ADAM2: variants seen among roughly 807,000 people sequenced by gnomAD.
ADAM2 encodes the protein disintegrin and metalloproteinase domain-containing protein 2.
In ADAM2, 101 loss-of-function variants were observed where a neutral mutation model predicts 99.3. The observed-to-expected ratio is 1.02, with a 90% CI of 0.87 to 1.20. ADAM2 has a LOEUF of 1.20. Among genes scored for constraint, ADAM2 ranks in the 50% most tolerant of loss-of-function variants. The pLI is 0.00. For missense variants in ADAM2, 948 were observed against 878.7 expected (o/e 1.08, Z -1.00); for synonymous variants, 323 against 287.6 (o/e 1.12, Z -1.25).
At chr8:39,758,347 G>C (rs1043726956) in intron 15 of ADAM2, among the ~76,000 whole-genome samples, 1 of 152,012 alleles carries the variant, frequency 6.6e-6, no homozygotes, top group East Asian at 1.9e-4. Context: ...TGTTTATAAT[G>C]TGTGTATTTG....
At chr8:39,750,475 G>T (rs900906954) in intron 16 of ADAM2, among the ~76,000 whole-genome samples, 10 of 152,054 alleles carry the variant, frequency 6.6e-5, no homozygotes, top group African/African-American at 2.4e-4. Flanking sequence ...ATAGCAATTT[G>T]CTATATTTAC....
intron 11 of ADAM2, among the ~76,000 whole-genome samples, chr8:39,774,445 G>T (rs1450396311): frequency 6.6e-6 from 1 of 152,002 alleles, no homozygotes; most frequent in Non-Finnish European, 1.5e-5. Context: ...GAATATGTTA[G>T]TGTAGCAAAG....
chr8:39,811,904 C>T (rs541477297), intron 6 of ADAM2, among the ~76,000 whole-genome samples: 9 of 152,258 alleles, frequency 5.9e-5, no homozygotes, highest in African/African-American at 2.2e-4. Context: ...TCCTATTCAA[C>T]ATAGTGTTGG....
At position 39,821,624 on chromosome 8, in the gene ADAM2, T is replaced by C. The variant is rs769302207; in HGVS notation, c.306A>G (p.Pro102=). The C allele has an allele frequency of 3.1e-6, 5 of 1,608,796 alleles. No individual in the cohort carries two copies. In the African/African-American group the frequency reaches 6.7e-5, roughly 22 times the overall value. ...CHYQGYIEGY[P]KSVVMVSTCT... ...ATGTGCTAACCATCACCACAGATTT[T>C]GGATAACCTTCAATATACCCTTGGT... The change falls in exon 5 of 21, where the codon CCA becomes CCG. Residue 102 remains proline (P), a synonymous_variant. Transcript: ENST00000265708.
chr8:39,816,433 G>A (rs188234523), intron 6 of ADAM2, among the ~76,000 whole-genome samples: 15 of 152,252 alleles, frequency 9.9e-5, no homozygotes, highest in East Asian at 1.9e-4. Context: ...CAGAGTCTGC[G>A]TATGACCTAG....
intron 2 of ADAM2, among the ~76,000 whole-genome samples, chr8:39,836,884 C>A (rs1483777381): frequency 6.6e-6 from 1 of 152,090 alleles, no homozygotes; most frequent in Non-Finnish European, 1.5e-5. Flanking sequence ...AATGATTATT[C>A]AAAGACATCC....
At chr8:39,753,205 A>C (rs574811642) in intron 16 of ADAM2, among the ~76,000 whole-genome samples, 3 of 152,298 alleles carry the variant, frequency 2.0e-5, no homozygotes, top group Non-Finnish European at 4.4e-5. Context: ...AGATGGTCTC[A>C]GATGGAAATG....
In ADAM2 at chr8:39,755,854, A is replaced by T; in HGVS notation, c.1671T>A (p.Ile557=). 1.3e-5 allele frequency: 20 copies of T among 1,598,566 alleles called. No individual in the cohort carries two copies. Among genetic ancestry groups the T allele is most frequent in the Non-Finnish European group, 1.6e-5 (19 of 1,166,992 alleles). The stretch of plus-strand genomic sequence containing the variant: ...TGGCATAAATAATAGTGGCTCTTGG[A>T]ATTTGTAATAAAAATTTACCTACAT... ...CKYVGKFLLQ[I]PRATIIYANI... Residue 557 remains isoleucine (I), a synonymous_variant, in exon 16 of 21, where the codon ATT becomes ATA. Transcript: ENST00000265708.
chr8:39,792,768 G>T (rs141257575), intron 7 of ADAM2, among the ~76,000 whole-genome samples: 1 of 152,054 alleles, frequency 6.6e-6, no homozygotes, highest in Admixed American at 6.6e-5. Flanking sequence ...GAATGAACCA[G>T]CCTCTGACTA....
chr8:39,769,138 C>T (rs542508381), intron 12 of ADAM2, among the ~76,000 whole-genome samples: 1 of 152,176 alleles, frequency 6.6e-6, no homozygotes, highest in South Asian at 2.1e-4. Context: ...GTCAGCTATA[C>T]CTCAAGAAAG....
At position 39,821,640 on chromosome 8, in the gene ADAM2, T is replaced by C. The variant is rs759851853; in HGVS notation, c.290A>G (p.Tyr97Cys). The C allele has an allele frequency of 6.2e-7, 1 of 1,606,912 alleles. No individual in the cohort carries two copies. The highest frequency in any genetic ancestry group is 8.5e-7 in the Non-Finnish European group (1 of 1,174,088). ...DFQNFCHYQG[Y>C]IEGYPKSVVM... ...CACAGATTTTGGATAACCTTCAATATACCCTTGGTAGTGGCAGAAATTCTG... is the reference window on the plus strand; with the variant it reads ...CACAGATTTTGGATAACCTTCAATACACCCTTGGTAGTGGCAGAAATTCTG... Residue 97 changes from tyrosine to cysteine, a missense_variant, in exon 5 of 21, where the codon TAT becomes TGT. By Grantham distance (194) the Tyr-to-Cys change is radical. Transcript: ENST00000265708.
chr8:39,834,133 T>C, intron 2 of ADAM2, 134 bp from the exon 3 acceptor site: 2 of 536,124 alleles, frequency 3.7e-6, no homozygotes, highest in Non-Finnish European at 6.5e-6. Context: ...TAGAATTTAA[T>C]GCTGATTTAT....
intron 10 of ADAM2, among the ~76,000 whole-genome samples, chr8:39,783,702 G>T (rs1038991851): frequency 1.3e-5 from 2 of 151,890 alleles, no homozygotes; most frequent in African/African-American, 4.8e-5. Context: ...CTGTAATCCC[G>T]GCACTTTGGG....
At chr8:39,796,356 G>T (rs1158331884) in intron 7 of ADAM2, among the ~76,000 whole-genome samples, 1 of 152,128 alleles carries the variant, frequency 6.6e-6, no homozygotes, top group Non-Finnish European at 1.5e-5. Context: ...CCATGTCCCT[G>T]CAAAGGACAC....
intron 7 of ADAM2, among the ~76,000 whole-genome samples, chr8:39,791,756 T>C (rs1011810042): frequency 6.6e-6 from 1 of 152,054 alleles, no homozygotes; most frequent in Admixed American, 6.6e-5. Context: ...AGGTAAAAGA[T>C]AGCTGTTGCC....
At chr8:39,759,814 A>C (rs1019645652) in intron 15 of ADAM2, among the ~76,000 whole-genome samples, 1 of 152,212 alleles carries the variant, frequency 6.6e-6, no homozygotes, top group African/African-American at 2.4e-5. Flanking sequence ...ATATCAACAT[A>C]AAATTTTACA....
At chr8:39,749,201 A>C in intron 18 of ADAM2, 111 bp downstream of exon 18, 1 of 955,064 alleles carries the variant, frequency 1.0e-6, no homozygotes, top group Non-Finnish European at 1.6e-6. Context: ...GTGCAGTTTA[A>C]TGTCTAAACA....
intron 19 of ADAM2, among the ~76,000 whole-genome samples, chr8:39,746,095 G>A (rs753293651): frequency 1.5e-4 from 22 of 151,680 alleles, no homozygotes; most frequent in Admixed American, 1.2e-3. Context: ...GCACAATCTC[G>A]GCTCACTGCA....
rs145010617 is a variant in ADAM2, at chr8:39,789,483, A to T, written c.571-743T>A. ...CACAGAAAAATGAAAATTATTCAGA[A>T]TGTCCATAACAATTTTAAATAAGAA... On this transcript the variant is annotated intron_variant, in intron 7 of 20. Transcript: ENST00000265708. 8.6e-5 allele frequency among the ~76,000 whole-genome samples: 13 copies of T among 151,946 alleles called. 1 individual carries two copies. The highest frequency in any genetic ancestry group is 3.1e-4 in the African/African-American group (13 of 41,540).
Sources: gnomAD v4.1 joint callset for allele counts (sites outside exome capture counted in the v4.1 genomes callset) on GRCh38, gnomAD v4.1.1 for gene constraint, MANE v1.5 for transcripts, NCBI Gene and HGNC (gene_info 2026-07-23, HGNC 2026-07-21) for gene names.